Variants in LSM14A observed in about 807,000 individuals in gnomAD.
LSM14A encodes LSM14A mRNA processing body assembly factor, also known as protein LSM14 homolog A.
LSM14A carries 14 observed loss-of-function variants against 52.4 expected under a neutral mutation model. That is an observed-to-expected ratio of 0.27 (90% CI 0.18 to 0.42). LSM14A has a LOEUF of 0.42. LSM14A is among the 10% of genes least tolerant of loss of function. The pLI is 1.00. For synonymous variants in LSM14A, 185 were observed against 200.3 expected, an observed-to-expected ratio of 0.92 and a Z score of 0.64; for missense variants, 417 against 581.8, an observed-to-expected ratio of 0.72 and a Z score of 2.91.
chr19:34,211,978 A>T (rs1343809459), intron 4 of LSM14A, among the ~76,000 whole-genome samples: 1 of 152,192 alleles, frequency 6.6e-6, no homozygotes, highest in Non-Finnish European at 1.5e-5. Context: ...TGACATGATA[A>T]TAAAATGTAG....
chr19:34,193,267 C>G (rs1051917545), intron 1 of LSM14A, among the ~76,000 whole-genome samples: 2 of 152,226 alleles, frequency 1.3e-5, no homozygotes, highest in Non-Finnish European at 1.5e-5. Flanking sequence ...ATCCTCATAC[C>G]TCAGCCTCCT....
intron 1 of LSM14A, among the ~76,000 whole-genome samples, chr19:34,187,770 A>G (rs2070040365): frequency 6.6e-6 from 1 of 152,196 alleles, no homozygotes; most frequent in Admixed American, 6.5e-5. Context: ...TTTTATATAC[A>G]AGTATTATAT....
intron 3 of LSM14A, among the ~76,000 whole-genome samples, chr19:34,207,321 GTCA>G (rs1402272297): frequency 2.6e-5 from 4 of 152,088 alleles, no homozygotes; most frequent in African/African-American, 9.7e-5. Flanking sequence ...TGATGTCTTG[GTCA>G]TCACCCAGGA....
At chr19:34,199,569 G>C (rs944724491) in intron 3 of LSM14A, among the ~76,000 whole-genome samples, 4 of 152,132 alleles carry the variant, frequency 2.6e-5, no homozygotes, top group African/African-American at 9.7e-5. Context: ...AGAACCCTGT[G>C]GTGCTGAATG....
intron 1 of LSM14A, among the ~76,000 whole-genome samples, chr19:34,181,994 T>C (rs1256585541): frequency 2.0e-5 from 3 of 152,024 alleles, no homozygotes; most frequent in Non-Finnish European, 2.9e-5. Context: ...CATCCTTAAT[T>C]CCTCTCTCTC....
intron 3 of LSM14A, among the ~76,000 whole-genome samples, chr19:34,207,553 A>G (rs1371496727): frequency 1.4e-5 from 2 of 143,244 alleles, no homozygotes; most frequent in Non-Finnish European, 3.0e-5. Context: ...TTTTTTTGAG[A>G]CAGAGTCTCA....
intron 1 of LSM14A, among the ~76,000 whole-genome samples, chr19:34,179,679 G>GA (rs766095205): frequency 2.2e-4 from 34 of 151,222 alleles, no homozygotes; most frequent in Non-Finnish European, 8.9e-5. Context: ...TAAAACTGAA[G>GA]AAAAAAAATA....
intron 3 of LSM14A, among the ~76,000 whole-genome samples, chr19:34,205,257 C>T (rs540517627): frequency 9.9e-5 from 15 of 151,614 alleles, no homozygotes; most frequent in South Asian, 2.1e-4. Context: ...GAGGTCAAGG[C>T]GGGCAGATTA....
chr19:34,224,397 C>G (rs1651804), intron 9 of LSM14A, among the ~76,000 whole-genome samples: 52,526 of 152,056 alleles, frequency 0.35, 9,499 homozygotes, highest in African/African-American at 0.38. Flanking sequence ...CTAATACAAA[C>G]ATTTTTTTGA....
intron 1 of LSM14A, among the ~76,000 whole-genome samples, chr19:34,183,278 C>T (rs1000607613): frequency 1.3e-4 from 20 of 152,112 alleles, no homozygotes; most frequent in African/African-American, 4.8e-4. Context: ...CCCGGCCGGG[C>T]GCAGTGGCTC....
intron 1 of LSM14A, among the ~76,000 whole-genome samples, chr19:34,190,303 G>C (rs571795385): frequency 6.6e-6 from 1 of 152,132 alleles, no homozygotes; most frequent in Admixed American, 6.5e-5. Flanking sequence ...CATCATTAGA[G>C]CATGTTTCTC....
chr19:34,192,579 C>T (rs1226264893), intron 1 of LSM14A, among the ~76,000 whole-genome samples: 1 of 139,578 alleles, frequency 7.2e-6, no homozygotes, highest in Non-Finnish European at 1.5e-5. Flanking sequence ...ATCTGCCCAC[C>T]TTGGCCTCCC....
At chr19:34,201,087 T>G (rs2071252654) in intron 3 of LSM14A, among the ~76,000 whole-genome samples, 1 of 152,238 alleles carries the variant, frequency 6.6e-6, no homozygotes, top group Non-Finnish European at 1.5e-5. Flanking sequence ...TATTTTAATC[T>G]AATTTTAATA....
chr19:34,223,086 T>TG (rs968748077), intron 9 of LSM14A, among the ~76,000 whole-genome samples: 3 of 152,056 alleles, frequency 2.0e-5, no homozygotes, highest in African/African-American at 7.2e-5. Context: ...TTCTTTTTTT[T>TG]GGGGGGTGGA....
intron 1 of LSM14A, among the ~76,000 whole-genome samples, chr19:34,182,191 C>T (rs528572510): frequency 6.6e-6 from 1 of 152,252 alleles, no homozygotes; most frequent in East Asian, 1.9e-4. Flanking sequence ...CCCAATTTTA[C>T]TTGAGTGAAT....
intron 4 of LSM14A, among the ~76,000 whole-genome samples, chr19:34,212,867 A>AC (rs1221369270): frequency 6.6e-6 from 1 of 152,208 alleles, no homozygotes; most frequent in Non-Finnish European, 1.5e-5. Flanking sequence ...CTTCTGTAGT[A>AC]CTTGTGAGCC....
intron 9 of LSM14A, among the ~76,000 whole-genome samples, chr19:34,225,203 A>G (rs117608298): frequency 0.036 from 5,531 of 152,124 alleles, 177 homozygotes; most frequent in East Asian, 0.14. Context: ...GGAATTTGCC[A>G]CTCCAGCCTT....
At chr19:34,216,442 A>G (rs2072601101) in intron 6 of LSM14A, among the ~76,000 whole-genome samples, 1 of 152,114 alleles carries the variant, frequency 6.6e-6, no homozygotes, top group African/African-American at 2.4e-5. Context: ...TTTTCTGGAA[A>G]AAAATTCTAC....
At chr19:34,193,885 C>A (rs1209529758) in intron 1 of LSM14A, among the ~76,000 whole-genome samples, 1 of 152,040 alleles carries the variant, frequency 6.6e-6, no homozygotes, top group African/African-American at 2.4e-5. Flanking sequence ...ATAAGTTAAC[C>A]GTGAGCCAGG....
Sources: allele counts gnomAD v4.1 joint callset (sites outside exome capture counted in the v4.1 genomes callset), GRCh38; gene constraint gnomAD v4.1.1; transcripts MANE v1.5; gene names NCBI Gene and HGNC (gene_info 2026-07-23, HGNC 2026-07-21).